The following SCN1A variants were observed in gnomAD, a reference collection of about 807,000 sequenced individuals.
The protein encoded by SCN1A is sodium voltage-gated channel alpha subunit 1, also known as sodium channel protein type 1 subunit alpha.
A neutral mutation model predicts 193.7 loss-of-function variants in SCN1A; 13 were observed. The ratio of observed to expected loss-of-function variants is 0.07; its 90% confidence interval spans 0.04 to 0.11. The LOEUF is 0.11. Ranked by LOEUF, SCN1A falls within the 10% of genes least tolerant of loss-of-function variation. SCN1A has a pLI of 1.00. For missense variants in SCN1A, 1,432 were observed against 2,451.1 expected (o/e 0.58, Z 8.78); for synonymous variants, 781 against 843.6 (o/e 0.93, Z 1.29).
chr2:166,033,912 G>C lies in SCN1A; in HGVS notation c.3429+2136C>G, dbSNP rs917548908. 4.6e-5 allele frequency among the ~76,000 whole-genome samples: 7 copies of C among 152,184 alleles called. No homozygotes were observed. In the East Asian group the frequency reaches 1.2e-3, roughly 25 times the overall value. ...GCTAAATGTAGGTCTAAAGATTCAA[G>C]ACAAAGGAAGCTAGACTAGGCTATT... On this transcript the variant is annotated intron_variant, in intron 19 of 28. Transcript: ENST00000674923.
chr2:166,029,759 C>T (rs751396221), intron 19 of SCN1A, among the ~76,000 whole-genome samples: 2 of 151,998 alleles, frequency 1.3e-5, no homozygotes, highest in Non-Finnish European at 2.9e-5. Context: ...TCTCAAAGAC[C>T]TCATAAGCTA....
intron 8 of SCN1A, 36 bp downstream of exon 8, chr2:166,052,816 T>C (rs1698726594): frequency 1.3e-6 from 2 of 1,499,634 alleles, no homozygotes; most frequent in Non-Finnish European, 1.9e-6. Flanking sequence ...CTGAATCACA[T>C]GATGGGTCCG....
At chr2:166,129,908 G>A (rs1366227514), upstream of SCN1A, among the ~76,000 whole-genome samples, 1 of 152,102 alleles carries the variant, frequency 6.6e-6, no homozygotes, top group East Asian at 1.9e-4. Context: ...GCAAGAGAGG[G>A]TATCTACGCA....
At chr2:166,056,617 T>TG in intron 5 of SCN1A, 117 bp from the exon 6 acceptor site, 1 of 732,292 alleles carries the variant, frequency 1.4e-6, no homozygotes, top group Non-Finnish European at 2.5e-6. Context: ...ATAAATGCAT[T>TG]GTGGGCAAGT....
At chr2:166,052,502 A>C (rs2105893081) in intron 8 of SCN1A, among the ~76,000 whole-genome samples, 1 of 152,036 alleles carries the variant, frequency 6.6e-6, no homozygotes, top group Middle Eastern at 3.4e-3. Context: ...TTAGCAAAAA[A>C]CTTAGAAGAT....
intron 23 of SCN1A, among the ~76,000 whole-genome samples, chr2:166,004,079 C>T (rs2105520890): frequency 6.6e-6 from 1 of 151,588 alleles, no homozygotes; most frequent in East Asian, 2.0e-4. Flanking sequence ...AATGATGTGG[C>T]CGATGCAACT....
intron 1 of SCN1A, among the ~76,000 whole-genome samples, chr2:166,140,614 G>C (rs961776927): frequency 1.3e-5 from 2 of 152,200 alleles, no homozygotes; most frequent in Non-Finnish European, 1.5e-5. Flanking sequence ...GGAGAAGCAT[G>C]CCTCAATCTG....
intron 8 of SCN1A, 40 bp from the exon 9 acceptor site, chr2:166,052,028 T>A (rs758101863): frequency 3.9e-6 from 6 of 1,555,230 alleles, no homozygotes; most frequent in East Asian, 2.2e-5. Flanking sequence ...ACTTAACACG[T>A]GTGAAATAAT....
Position 166,094,478 on chromosome 2 carries a change from C to T in SCN1A, c.-141-16677G>A, listed in dbSNP as rs556105584. On this transcript the variant is annotated intron_variant, in intron 2 of 28. Coordinates refer to ENST00000674923, the MANE Select transcript of SCN1A (RefSeq NM_001165963.4). ...ACAGTTTTATATGTCATTATATAAT[C>T]TCTTGGCAGAAATAAGGAATAACAT... Among the ~76,000 whole-genome samples, 56 of 152,224 alleles carry T rather than the reference C, an allele frequency of 3.7e-4. 1 individual carries two copies. In the South Asian group the frequency reaches 0.011, roughly 29 times the overall value.
intron 14 of SCN1A, 133 bp from the exon 15 acceptor site, chr2:166,042,557 T>C (rs949154296): frequency 6.1e-6 from 5 of 816,822 alleles, no homozygotes; most frequent in Admixed American, 4.0e-5. Flanking sequence ...TGATGGCAGA[T>C]ATTTCTGACT....
intron 2 of SCN1A, among the ~76,000 whole-genome samples, chr2:166,091,153 T>C (rs770462361): frequency 7.9e-5 from 12 of 152,218 alleles, no homozygotes; most frequent in Non-Finnish European, 1.6e-4. Flanking sequence ...AACATACTAA[T>C]GCGGTAGGGA....
chr2:166,010,650 A>G (rs1164544142), intron 22 of SCN1A, among the ~76,000 whole-genome samples: 2 of 151,286 alleles, frequency 1.3e-5, no homozygotes, highest in Non-Finnish European at 3.0e-5. Context: ...ATTTGGTTAG[A>G]AAGATGCTAG....
chr2:166,036,006 A>G (rs748276937), intron 19 of SCN1A, 42 bp downstream of exon 19: 2 of 1,587,880 alleles, frequency 1.3e-6, no homozygotes, highest in South Asian at 1.1e-5. Context: ...ATATGTATAT[A>G]TGTATATGTA....
At chr2:166,042,204 A>G (rs1559212142) in intron 15 of SCN1A, 88 bp downstream of exon 15, 2 of 1,345,416 alleles carry the variant, frequency 1.5e-6, no homozygotes, top group South Asian at 1.3e-5. Context: ...AGAATGCACT[A>G]TTCCCAACTC....
intron 2 of SCN1A, among the ~76,000 whole-genome samples, chr2:166,090,820 T>C (rs16851508): frequency 0.032 from 4,838 of 152,314 alleles, 275 homozygotes; most frequent in African/African-American, 0.11. Context: ...AGTACTAAAG[T>C]CTAATATTTT....
chr2:166,082,442 C>A (rs2106026157), intron 2 of SCN1A, among the ~76,000 whole-genome samples: 1 of 151,760 alleles, frequency 6.6e-6, no homozygotes, highest in Admixed American at 6.6e-5. Flanking sequence ...TAGTATTTAT[C>A]TACTCTAATT....
At chr2:166,054,898 A>G in intron 6 of SCN1A, 132 bp from the exon 7 acceptor site, 1 of 797,284 alleles carries the variant, frequency 1.3e-6, no homozygotes. Context: ...TTAATTTCAT[A>G]CAAATGAAAC....
intron 12 of SCN1A, among the ~76,000 whole-genome samples, chr2:166,045,606 A>C (rs910903236): frequency 6.6e-6 from 1 of 152,190 alleles, no homozygotes; most frequent in Non-Finnish European, 1.5e-5. Context: ...TGTATCAACA[A>C]GAAAATAAAT....
intron 19 of SCN1A, among the ~76,000 whole-genome samples, chr2:166,030,205 T>G (rs1695370181): frequency 6.6e-6 from 1 of 152,214 alleles, no homozygotes; most frequent in Admixed American, 6.5e-5. Context: ...TGGAGCAGAC[T>G]GCCAGGACCA....
Sources: gnomAD v4.1 joint callset for allele counts (sites outside exome capture counted in the v4.1 genomes callset) on GRCh38, gnomAD v4.1.1 for gene constraint, MANE v1.5 for transcripts, NCBI Gene and HGNC (gene_info 2026-07-23, HGNC 2026-07-21) for gene names.